The following KIF21A variants were observed in gnomAD, a reference collection of about 807,000 sequenced individuals.
KIF21A encodes kinesin-like protein KIF21A.
Under a neutral mutation model 202.9 loss-of-function variants are expected in KIF21A, and 114 were observed. That is an observed-to-expected ratio of 0.56 (90% CI 0.48 to 0.66). The LOEUF (loss-of-function observed/expected upper bound fraction) is 0.66, where lower values mean the gene tolerates loss of function less well. Among genes scored for constraint, KIF21A ranks in the 30% least tolerant of loss-of-function variants. The probability of loss-of-function intolerance (pLI) is 0.00; values close to 1 mark genes in which losing one functional copy is unlikely to be tolerated. For missense variants in KIF21A, 1,677 were observed against 1,994.9 expected (o/e 0.84, Z 3.04); for synonymous variants, 667 against 670.8 (o/e 0.99, Z 0.09).
chr12:39,346,726 GTATA>G (rs1947924308), intron 11 of KIF21A, among the ~76,000 whole-genome samples: 2 of 151,966 alleles, frequency 1.3e-5, no homozygotes, highest in African/African-American at 2.4e-5. Flanking sequence ...TCTAAGAAGA[GTATA>G]TAGACTATCA....
intron 26 of KIF21A, among the ~76,000 whole-genome samples, chr12:39,324,906 GC>G (rs1185631281): frequency 6.6e-6 from 1 of 152,084 alleles, no homozygotes; most frequent in African/African-American, 2.4e-5. Flanking sequence ...AATAAGCACT[GC>G]AAGAATTCTT....
In KIF21A at chr12:39,366,386, C is replaced by T. The variant is rs752440508; in HGVS notation, c.867G>A (p.Glu289=). ...TGATAGAAATGCCTTCTTTTGCCCT[C>T]TCGCCTGTAGCTCCAGTACGCTTCA... ...ERLKRTGATG[E]RAKEGISINC... Residue 289 remains glutamate (E), a synonymous_variant, in exon 6 of 38, where the codon GAG becomes GAA. Transcript: ENST00000361418. 1.2e-6 allele frequency: 2 copies of T among 1,613,974 alleles called. No homozygotes were observed. Among genetic ancestry groups the T allele is most frequent in the Non-Finnish European group, 1.7e-6 (2 of 1,180,004 alleles).
At chr12:39,399,023 A>C (rs1951968430) in intron 1 of KIF21A, among the ~76,000 whole-genome samples, 1 of 152,168 alleles carries the variant, frequency 6.6e-6, no homozygotes, top group Non-Finnish European at 1.5e-5. Context: ...CAAGAGTTCA[A>C]GACCAGCCTA....
At chr12:39,416,739 A>ATATACATGTACATATATATGTG (rs1953721693) in intron 1 of KIF21A, among the ~76,000 whole-genome samples, 4 of 78,766 alleles carry the variant, frequency 5.1e-5, no homozygotes, top group African/African-American at 3.4e-4. Flanking sequence ...ATATATGTGT[A>ATATACATGTACATATATATGTG]TATATATATG....
At chr12:39,328,271 C>T (rs534815841) in intron 24 of KIF21A, among the ~76,000 whole-genome samples, 2 of 152,124 alleles carry the variant, frequency 1.3e-5, no homozygotes, top group Non-Finnish European at 2.9e-5. Context: ...ATATGTCACC[C>T]CCCCCAGTAA....
intron 1 of KIF21A, among the ~76,000 whole-genome samples, chr12:39,371,692 G>T (rs570619874): frequency 6.6e-6 from 1 of 152,146 alleles, no homozygotes; most frequent in South Asian, 2.1e-4. Context: ...GTAATCCCAG[G>T]ACTTAGGGAG....
intron 1 of KIF21A, among the ~76,000 whole-genome samples, chr12:39,386,644 G>C (rs1351680183): frequency 6.6e-6 from 1 of 152,120 alleles, no homozygotes; most frequent in Non-Finnish European, 1.5e-5. Flanking sequence ...ACTTAGTATG[G>C]ATTGGCTACT....
chr12:39,369,696 TA>T lies in KIF21A; in HGVS notation c.450+32del, dbSNP rs779675762. 16 of 1,565,292 alleles carry T rather than the reference TA, an allele frequency of 1.0e-5. No homozygotes were observed. In the South Asian group the frequency reaches 1.7e-4, roughly 16 times the overall value. ...AAACACAGTCTATAAGAACAAAATT[TA>T]AAAGAAATTAATGCCAAAATTGGAT... is the stretch of plus-strand genomic sequence containing the variant. On this transcript the variant is annotated intron_variant, in intron 3 of 37. Coordinates refer to ENST00000361418, the MANE Select transcript of KIF21A (RefSeq NM_001173464.2).
chr12:39,302,045 G>A (rs1943008077), intron 36 of KIF21A, among the ~76,000 whole-genome samples: 1 of 152,048 alleles, frequency 6.6e-6, no homozygotes, highest in Non-Finnish European at 1.5e-5. Flanking sequence ...CCTGGTATGT[G>A]GACTATAAGG....
At position 39,358,270 on chromosome 12, in the gene KIF21A, C is replaced by T. The variant is rs761242353; in HGVS notation, c.1123G>A (p.Val375Met). 4 of 1,614,062 alleles carry T rather than the reference C, an allele frequency of 2.5e-6. No homozygotes were observed. The highest frequency in any genetic ancestry group is 3.4e-6 in the Non-Finnish European group (4 of 1,179,962). The change falls in exon 8 of 38, where the codon GTG becomes ATG. Residue 375 changes from valine (V) to methionine (M), a missense_variant. Physicochemically the swap from Val to Met is conservative, Grantham distance 21. Around this residue, in one of 3 missense-constraint regions of KIF21A, gnomAD observed 966 missense variants for 1,180.9 expected, o/e 0.82. Transcript: ENST00000361418. ...ANRARNIKNK[V>M]MVNQDRASQQ... Reference sequence around the variant, plus strand: ...CTAGCTCTGTCCTGATTGACCATCACCTTATTCTTGATATTTCTAGCTCGA... The same window carrying T: ...CTAGCTCTGTCCTGATTGACCATCATCTTATTCTTGATATTTCTAGCTCGA...
At chr12:39,333,414 A>G in intron 17 of KIF21A, 134 bp from the exon 18 acceptor site, 1 of 688,902 alleles carries the variant, frequency 1.5e-6, no homozygotes, top group Non-Finnish European at 2.5e-6. Flanking sequence ...ACAACCTTGT[A>G]TATATTATTA....
intron 24 of KIF21A, 193 bp downstream of exon 24, chr12:39,330,049 G>T: frequency 1.9e-6 from 1 of 534,642 alleles, no homozygotes; most frequent in East Asian, 3.0e-5. Flanking sequence ...AAACATCTAA[G>T]GATTTTAAAA....
chr12:39,417,489 A>G (rs1953862343), intron 1 of KIF21A, among the ~76,000 whole-genome samples: 1 of 152,220 alleles, frequency 6.6e-6, no homozygotes, highest in Non-Finnish European at 1.5e-5. Flanking sequence ...CTTTTTAACC[A>G]GTAAGGGAAC....
intron 24 of KIF21A, among the ~76,000 whole-genome samples, chr12:39,329,078 C>T (rs1174643024): frequency 6.6e-6 from 1 of 152,206 alleles, no homozygotes; most frequent in African/African-American, 2.4e-5. Flanking sequence ...AACTGGAGAA[C>T]AACTAAATGA....
At position 39,338,761 on chromosome 12, in the gene KIF21A, A is replaced by G. The variant is rs539526372; in HGVS notation, c.2310+1404T>C. Among the ~76,000 whole-genome samples, 14 of 152,358 alleles carry G rather than the reference A, an allele frequency of 9.2e-5. No homozygotes were observed. In the South Asian group the frequency reaches 2.9e-3, roughly 32 times the overall value. Reference sequence around the variant, plus strand: ...TATACAGTAGTCTATTAGGTGTGCAATAGCATCATGTCTAAAAAAATAATG... The same window carrying G: ...TATACAGTAGTCTATTAGGTGTGCAGTAGCATCATGTCTAAAAAAATAATG... On this transcript the variant is annotated intron_variant, in intron 16 of 37. Coordinates refer to ENST00000361418, the MANE Select transcript of KIF21A (RefSeq NM_001173464.2).
At chr12:39,438,722 GT>G (rs926750635) in intron 1 of KIF21A, among the ~76,000 whole-genome samples, 1 of 152,048 alleles carries the variant, frequency 6.6e-6, no homozygotes, top group African/African-American at 2.4e-5. Context: ...AAACACAAAG[GT>G]CCTTTCTGTA....
chr12:39,302,268 G>T (rs912428382), intron 36 of KIF21A, among the ~76,000 whole-genome samples: 3 of 152,090 alleles, frequency 2.0e-5, no homozygotes, highest in African/African-American at 7.2e-5. Flanking sequence ...AAAAGCTTTT[G>T]AATGCAACAC....
Position 39,356,756 on chromosome 12 carries a change from A to T in KIF21A, c.1469+76T>A. The T allele has an allele frequency of 4.0e-6, 3 of 751,330 alleles. 1 individual carries two copies. The South Asian group carries it at 4.4e-5, about 11-fold the overall frequency. The allele number at this position is 751,330 out of a possible 1,614,324, so 46.5% of individuals were successfully genotyped here. ...TGGACAACTGTTGAACACTAAGCCCAACAAACAGAAATATTATAACATTGC... is the reference window on the plus strand; with the variant it reads ...TGGACAACTGTTGAACACTAAGCCCTACAAACAGAAATATTATAACATTGC... On this transcript the variant is annotated intron_variant, in intron 10 of 37. Transcript: ENST00000361418.
At chr12:39,308,193 T>TC (rs1943661940) in intron 33 of KIF21A, among the ~76,000 whole-genome samples, 1 of 151,678 alleles carries the variant, frequency 6.6e-6, no homozygotes, top group South Asian at 2.1e-4. Flanking sequence ...CATGGTGAAG[T>TC]CCCATCTCTA....
Sources: allele counts gnomAD v4.1 joint callset (sites outside exome capture counted in the v4.1 genomes callset), GRCh38; gene constraint gnomAD v4.1.1; regional missense constraint gnomAD v4.1.1; transcripts MANE v1.5; gene names NCBI Gene and HGNC (gene_info 2026-07-23, HGNC 2026-07-21).